The following TMEM126A variants were observed in gnomAD, a reference collection of about 807,000 sequenced individuals.
TMEM126A encodes optic atrophy 7.
TMEM126A carries 10 observed loss-of-function variants against 18.3 expected under a neutral mutation model. That is an observed-to-expected ratio of 0.55 (90% CI 0.34 to 0.93). TMEM126A has a LOEUF of 0.93. Among genes scored for constraint, TMEM126A ranks in the 40% least tolerant of loss-of-function variants. The probability of loss-of-function intolerance (pLI) is 0.02; values close to 1 mark genes in which losing one functional copy is unlikely to be tolerated. For synonymous variants in TMEM126A, 68 were observed against 78.1 expected (o/e 0.87, Z 0.68); for missense variants, 246 against 230.2 (o/e 1.07, Z -0.44).
rs776223013 is a variant in TMEM126A, at chr11:85,654,158, C to G, written c.182C>G (p.Thr61Arg). The change falls in exon 3 of 5, where the codon ACA (threonine) becomes AGA (arginine). Residue 61 changes from threonine (T) to arginine (R), a missense_variant. Coordinates refer to ENST00000304511, the MANE Select transcript of TMEM126A (RefSeq NM_032273.4). ...NSLFRRILNV[T>R]KARIAAGLPM... is the part of the protein sequence containing the mutation. Reference sequence around the variant, plus strand: ...CTTTTTCGACGCATCTTGAATGTGACAAAGGCTCGCATAGCTGCTGGCTTA... The same window carrying G: ...CTTTTTCGACGCATCTTGAATGTGAGAAAGGCTCGCATAGCTGCTGGCTTA... 6.2e-7 allele frequency: 1 copy of G among 1,614,174 alleles called. No homozygotes were observed.
chr11:85,650,207 TTG>T (rs1216378909), intron 1 of TMEM126A, 40 bp from the exon 2 acceptor site: 1 of 1,295,218 alleles, frequency 7.7e-7, no homozygotes, highest in African/African-American at 1.5e-5. Context: ...TTAAAATTCT[TTG>T]TATAAATTCT....
intron 3 of TMEM126A, among the ~76,000 whole-genome samples, chr11:85,654,816 A>T (rs933662478): frequency 1.3e-5 from 2 of 151,478 alleles, no homozygotes; most frequent in South Asian, 4.1e-4. Flanking sequence ...ATATTTGGAA[A>T]TCCATATATA....
At chr11:85,654,025 T>A in intron 2 of TMEM126A, 38 bp from the exon 3 acceptor site, 1 of 1,610,098 alleles carries the variant, frequency 6.2e-7, no homozygotes, top group South Asian at 1.1e-5. Flanking sequence ...ACACACACAA[T>A]AATGCCAAAG....
chr11:85,655,551 T>C (rs2082531612), intron 3 of TMEM126A, 43 bp from the exon 4 acceptor site: 1 of 1,382,440 alleles, frequency 7.2e-7, no homozygotes, highest in African/African-American at 1.4e-5. Context: ...CATGTTTGCT[T>C]GACTATCATG....
Position 85,650,253 on chromosome 11 carries a change from A to T in TMEM126A, c.-3A>T, listed in dbSNP as rs1303729336. ...GATATCTTCATGTTTTTTAAGGCTC[A>T]AAATGGAAAATCATAAATCCAATAA... On this transcript the variant is annotated 5_prime_UTR_variant, in exon 2 of 5. Coordinates refer to ENST00000304511, the MANE Select transcript of TMEM126A (RefSeq NM_032273.4). The T allele has an allele frequency of 6.3e-7, 1 of 1,577,364 alleles. No homozygotes were observed. Among genetic ancestry groups the T allele is most frequent in the Admixed American group, 1.7e-5 (1 of 58,918 alleles).
intron 2 of TMEM126A, among the ~76,000 whole-genome samples, chr11:85,650,552 A>G (rs1016797630): frequency 3.9e-5 from 6 of 152,224 alleles, no homozygotes; most frequent in African/African-American, 1.4e-4. Flanking sequence ...GTCTTTGGAC[A>G]TACCTAATTG....
intron 3 of TMEM126A, chr11:85,655,385 CT>C (rs933752166): frequency 5.0e-5 from 25 of 498,190 alleles, no homozygotes; most frequent in East Asian, 4.9e-4. Flanking sequence ...AATTAGAGAA[CT>C]TTTTTTCCTA....
chr11:85,656,187 A>G (rs1348007465), intron 4 of TMEM126A, 122 bp from the exon 5 acceptor site: 2 of 887,342 alleles, frequency 2.3e-6, no homozygotes, highest in Admixed American at 4.5e-5. Context: ...ATAGACACTG[A>G]AGACCTTTAC....
chr11:85,652,932 T>C (rs1285656620), intron 2 of TMEM126A, among the ~76,000 whole-genome samples: 1 of 151,804 alleles, frequency 6.6e-6, no homozygotes, highest in Admixed American at 6.6e-5. Context: ...TCAAGTTTTT[T>C]ATTCCAACCC....
At chr11:85,651,056 T>G (rs1591463517) in intron 2 of TMEM126A, among the ~76,000 whole-genome samples, 1 of 100,440 alleles carries the variant, frequency 1.0e-5, no homozygotes, top group Admixed American at 1.7e-4. Context: ...GCGACAAGAG[T>G]GAGGATCCGT....
At chr11:85,652,050 C>G (rs78417512) in intron 2 of TMEM126A, among the ~76,000 whole-genome samples, 56,936 of 151,978 alleles carry the variant, frequency 0.37, 11,068 homozygotes, top group South Asian at 0.43. Context: ...TGTAGTCCTA[C>G]CCACTGGAGA....
chr11:85,654,406 A>G, intron 3 of TMEM126A, 150 bp downstream of exon 3: 1 of 768,352 alleles, frequency 1.3e-6, no homozygotes, highest in South Asian at 1.7e-5. Flanking sequence ...AATAATTCAT[A>G]TTAGTATGGT....
chr11:85,656,435 GT>G lies in TMEM126A; in HGVS notation c.523del (p.Ser175LeufsTer8). 6.2e-7 allele frequency: 1 copy of G among 1,613,240 alleles called. No individual in the cohort carries two copies. Among genetic ancestry groups the G allele is most frequent in the Non-Finnish European group, 8.5e-7 (1 of 1,179,596 alleles). On this transcript the variant is annotated frameshift_variant, in exon 5 of 5. Coordinates refer to ENST00000304511, the MANE Select transcript of TMEM126A (RefSeq NM_032273.4). LOFTEE classifies it high-confidence loss of function. ...AGACTATGTTTTCAGCATACCTTGGGTCTGAACAATATAAACTACTTATAAA... is the reference window on the plus strand; with the variant it reads ...AGACTATGTTTTCAGCATACCTTGGGCTGAACAATATAAACTACTTATAAA... ...LQTMFSAYLG[S>X]EQYKLLIKAL... is the part of the protein sequence containing the mutation.
At position 85,653,865 on chromosome 11, in the gene TMEM126A, C is replaced by T. The variant is rs183024044; in HGVS notation, c.87-198C>T. 2.6e-5 allele frequency among the ~76,000 whole-genome samples: 4 copies of T among 152,230 alleles called. No individual in the cohort carries two copies. The East Asian group carries it at 7.7e-4, about 29-fold the overall frequency. On this transcript the variant is annotated intron_variant, in intron 2 of 4. Transcript: ENST00000304511. ...GGTTAAGTATTAATTATTATGGGAG[C>T]TCAGGAGAGGCACCCACTGGCTGCT...
At chr11:85,651,742 C>A (rs148910131) in intron 2 of TMEM126A, among the ~76,000 whole-genome samples, 34 of 152,220 alleles carry the variant, frequency 2.2e-4, no homozygotes, top group South Asian at 6.2e-4. Context: ...TTTCACCCCC[C>A]CTCCCCACAC....
At chr11:85,652,731 GTAC>G (rs149200335) in intron 2 of TMEM126A, among the ~76,000 whole-genome samples, 5,881 of 151,890 alleles carry the variant, frequency 0.039, 155 homozygotes, top group East Asian at 0.096. Flanking sequence ...GATTTCACTT[GTAC>G]TACTTTTTAT....
chr11:85,654,330 A>C (rs1032026676), intron 3 of TMEM126A, 74 bp downstream of exon 3: 1 of 1,386,118 alleles, frequency 7.2e-7, no homozygotes. Context: ...CATACTTATT[A>C]ATATCAAGTA....
At chr11:85,652,447 A>G (rs1311209275) in intron 2 of TMEM126A, among the ~76,000 whole-genome samples, 1 of 152,140 alleles carries the variant, frequency 6.6e-6, no homozygotes, top group Non-Finnish European at 1.5e-5. Context: ...CCTTCAGTGT[A>G]TGGAGCTTTC....
chr11:85,656,524 A>C lies in TMEM126A; in HGVS notation c.*23A>C. Reference sequence around the variant, plus strand: ...TGATTTTAAACAAATATGTAAACAAAAATAAAATGGTAAAAACAGTTTATG... The same window carrying C: ...TGATTTTAAACAAATATGTAAACAACAATAAAATGGTAAAAACAGTTTATG... On this transcript the variant is annotated 3_prime_UTR_variant, in exon 5 of 5. Coordinates refer to ENST00000304511, the MANE Select transcript of TMEM126A (RefSeq NM_032273.4). The C allele has an allele frequency of 6.3e-7, 1 of 1,588,756 alleles. No homozygotes were observed. Among genetic ancestry groups the C allele is most frequent in the Non-Finnish European group, 8.6e-7 (1 of 1,159,988 alleles).
Sources: allele counts gnomAD v4.1 joint callset (sites outside exome capture counted in the v4.1 genomes callset), GRCh38; gene constraint gnomAD v4.1.1; transcripts MANE v1.5; gene names NCBI Gene and HGNC (gene_info 2026-07-23, HGNC 2026-07-21).